The following MYH14 variants were observed in gnomAD, a reference collection of about 807,000 sequenced individuals.
MYH14 encodes myosin heavy chain 14, also known as myosin-14.
A neutral mutation model predicts 255.5 loss-of-function variants in MYH14; 123 were observed. The observed-to-expected ratio is 0.48, with a 90% CI of 0.42 to 0.56. The LOEUF is 0.56. MYH14 is among the 20% of genes least tolerant of loss of function. The pLI is 0.00. For synonymous variants in MYH14, 1,095 were observed against 1,161.2 expected (o/e 0.94, Z 1.16); for missense variants, 2,423 against 2,802.3 (o/e 0.86, Z 3.06).
In MYH14 at chr19:50,249,662, G is replaced by A. The variant is rs1226760684; in HGVS notation, c.1495G>A (p.Glu499Lys). ...TGCGTCCCTGCAGCTGAACTCCTTC[G>A]AGCAGCTCTGCATCAACTACACCAA... The part of the protein sequence containing the change: ...GFEIFQLNSF[E>K]QLCINYTNEK... The change falls in exon 14 of 43, where the codon GAG becomes AAG. Residue 499 changes from glutamate (E) to lysine (K), a missense_variant. Around this residue, in one of 3 missense-constraint regions of MYH14, gnomAD observed 672 missense variants for 881.8 expected, o/e 0.76. Transcript: ENST00000642316. The A allele has an allele frequency of 5.0e-6, 8 of 1,613,722 alleles. No individual in the cohort carries two copies. Among genetic ancestry groups the A allele is most frequent in the East Asian group, 2.2e-5 (1 of 44,840 alleles).
intron 40 of MYH14, among the ~76,000 whole-genome samples, chr19:50,305,654 G>A (rs1392938921): frequency 6.6e-6 from 1 of 152,154 alleles, no homozygotes; most frequent in African/African-American, 2.4e-5. Context: ...TGCACCAGGT[G>A]CAGTGGCTCA....
chr19:50,224,255 G>T (rs145226069), intron 6 of MYH14, 78 bp downstream of exon 6: 123 of 1,597,414 alleles, frequency 7.7e-5, no homozygotes, highest in Non-Finnish European at 1.0e-4. Flanking sequence ...CTTCTTGGTA[G>T]ACAGGGCCCA....
In MYH14 at chr19:50,309,763, G is replaced by A. The variant is rs776944281; in HGVS notation, c.6084G>A (p.Glu2028=). Residue 2028 remains glutamate, a synonymous_variant, in exon 43 of 43, where the codon GAG becomes GAA. Coordinates refer to ENST00000642316, the MANE Select transcript of MYH14 (RefSeq NM_001145809.2). ...QPGSGPSPEP[E]GSPPAHPQ Reference sequence around the variant, plus strand: ...GGTCTGGGCCATCCCCGGAGCCTGAGGGGTCCCCACCAGCCCACCCCCAGT... The same window carrying A: ...GGTCTGGGCCATCCCCGGAGCCTGAAGGGTCCCCACCAGCCCACCCCCAGT... The A allele has an allele frequency of 6.3e-7, 1 of 1,587,890 alleles. No individual in the cohort carries two copies. Among genetic ancestry groups the A allele is most frequent in the Non-Finnish European group, 8.6e-7 (1 of 1,167,496 alleles).
chr19:50,236,788 C>T (rs1023408961), intron 10 of MYH14, among the ~76,000 whole-genome samples: 7 of 152,232 alleles, frequency 4.6e-5, no homozygotes, highest in Middle Eastern at 6.8e-3. Context: ...TTAAAAAAAT[C>T]GAACAGCTTT....
intron 11 of MYH14, among the ~76,000 whole-genome samples, chr19:50,246,421 C>T (rs996024761): frequency 2.0e-5 from 3 of 147,984 alleles, no homozygotes; most frequent in South Asian, 2.1e-4. Flanking sequence ...CCTGGGATTA[C>T]GGGCGTGAGC....
chr19:50,269,215 C>T (rs530407344), intron 24 of MYH14, among the ~76,000 whole-genome samples: 8 of 152,272 alleles, frequency 5.3e-5, no homozygotes, highest in East Asian at 3.9e-4. Context: ...CTTGCTCTGT[C>T]GCCCAGGCTG....
At chr19:50,287,669 T>TC (rs2035936890) in intron 34 of MYH14, among the ~76,000 whole-genome samples, 1 of 152,160 alleles carries the variant, frequency 6.6e-6, no homozygotes, top group Non-Finnish European at 1.5e-5. Flanking sequence ...CACTTCAGCC[T>TC]CCCTAAGCAT....
At chr19:50,275,851 C>T (rs1292077414) in intron 27 of MYH14, 140 bp from the exon 28 acceptor site, 2 of 657,310 alleles carry the variant, frequency 3.0e-6, no homozygotes, top group African/African-American at 1.8e-5. Context: ...GTACTGCAGC[C>T]AAGTGCCCAG....
chr19:50,291,825 A>G (rs1049380220), intron 36 of MYH14, among the ~76,000 whole-genome samples: 1 of 152,308 alleles, frequency 6.6e-6, no homozygotes, highest in Admixed American at 6.5e-5. Context: ...AGATCCCACC[A>G]GTGCACTCCA....
At chr19:50,249,235 T>G in intron 13 of MYH14, 96 bp downstream of exon 13, 1 of 1,363,488 alleles carries the variant, frequency 7.3e-7, no homozygotes, top group African/African-American at 1.5e-5. Context: ...CTGGTCTCTG[T>G]CCCCCTCTCT....
chr19:50,226,627 AG>A (rs1472328651), intron 7 of MYH14, among the ~76,000 whole-genome samples: 2 of 151,238 alleles, frequency 1.3e-5, no homozygotes, highest in African/African-American at 4.9e-5. Context: ...CCTGGGTCTG[AG>A]GGAGGAGGGG....
intron 41 of MYH14, among the ~76,000 whole-genome samples, chr19:50,307,633 C>T (rs1299519711): frequency 6.6e-6 from 1 of 152,210 alleles, no homozygotes; most frequent in African/African-American, 2.4e-5. Flanking sequence ...CAAACCTCAG[C>T]ACTCTAGCCC....
Position 50,252,587 on chromosome 19 carries a change from G to C in MYH14, c.1831-52G>C, listed in dbSNP as rs2034442568. Reference sequence around the variant, plus strand: ...TCTGGAAGGCTCCTTAGGAAATCCAGAGAATGTCTGAGCCTGCAAGTCATC... The same window carrying C: ...TCTGGAAGGCTCCTTAGGAAATCCACAGAATGTCTGAGCCTGCAAGTCATC... On this transcript the variant is annotated intron_variant, in intron 15 of 42. Coordinates refer to ENST00000642316, the MANE Select transcript of MYH14 (RefSeq NM_001145809.2). The surrounding 1 kb of genome is among the most constrained non-coding windows in gnomAD (Gnocchi z 4.2). 1.6e-6 allele frequency: 2 copies of C among 1,281,664 alleles called. No individual in the cohort carries two copies. Among genetic ancestry groups the C allele is most frequent in the Admixed American group, 3.9e-5 (2 of 50,742 alleles). 79.4% of individuals were successfully genotyped at this position (1,281,664 alleles called of 1,614,324 possible).
chr19:50,269,811 A>T (rs1432812110), intron 24 of MYH14, among the ~76,000 whole-genome samples: 2 of 152,156 alleles, frequency 1.3e-5, no homozygotes, highest in African/African-American at 4.8e-5. Flanking sequence ...GGTCCCCAGG[A>T]TAAGGAGGGT....
At position 50,268,172 on chromosome 19, in the gene MYH14, G is replaced by A; in HGVS notation, c.2838G>A (p.Glu946=). The stretch of plus-strand genomic sequence containing the variant: ...CACACACTCCCCAGCTGGAAGAGGA[G>A]CGCGCCCGCCTGGCAGAGCAATTGC... ...LQGRVAQLEE[E]RARLAEQLRA... Residue 946 remains glutamate, a synonymous_variant, in exon 24 of 43, where the codon GAG becomes GAA. Coordinates refer to ENST00000642316, the MANE Select transcript of MYH14 (RefSeq NM_001145809.2). The A allele has an allele frequency of 6.5e-7, 1 of 1,546,334 alleles. No individual in the cohort carries two copies. The highest frequency in any genetic ancestry group is 8.7e-7 in the Non-Finnish European group (1 of 1,146,870).
At chr19:50,271,717 G>A in intron 25 of MYH14, 132 bp from the exon 26 acceptor site, 1 of 1,473,084 alleles carries the variant, frequency 6.8e-7, no homozygotes. Flanking sequence ...GAGGTGTAGG[G>A]GGAGGAAGGT....
At chr19:50,244,361 C>A (rs761711591) in intron 11 of MYH14, 24 bp downstream of exon 11, 2 of 1,603,920 alleles carry the variant, frequency 1.2e-6, no homozygotes, top group Non-Finnish European at 1.7e-6. Flanking sequence ...CCTGCCTGCC[C>A]ACGACCTCCA....
intron 10 of MYH14, among the ~76,000 whole-genome samples, chr19:50,242,566 C>T (rs562702241): frequency 3.5e-4 from 54 of 152,242 alleles, no homozygotes; most frequent in African/African-American, 1.2e-3. Context: ...CTGGGTCCCT[C>T]GCACAACACA....
chr19:50,223,030 GC>G, intron 3 of MYH14, 52 bp from the exon 4 acceptor site: 1 of 1,543,166 alleles, frequency 6.5e-7, no homozygotes, highest in Non-Finnish European at 9.0e-7. Context: ...GGACCAGAGG[GC>G]CCTGCTAGAG....
Sources: gnomAD v4.1 joint callset for allele counts (sites outside exome capture counted in the v4.1 genomes callset) on GRCh38, gnomAD v4.1.1 for gene constraint, gnomAD v4.1.1 regional missense constraint, Gnocchi (gnomAD v3.1) non-coding constraint, MANE v1.5 for transcripts, NCBI Gene and HGNC (gene_info 2026-07-23, HGNC 2026-07-21) for gene names.